RIMS2: variants seen among roughly 807,000 people sequenced by gnomAD.
The protein encoded by RIMS2 is regulating synaptic membrane exocytosis protein 2.
RIMS2 carries 59 observed loss-of-function variants against 174.4 expected under a neutral mutation model. That is an observed-to-expected ratio of 0.34 (90% CI 0.27 to 0.42). The LOEUF is 0.42. RIMS2 is among the 10% of genes least tolerant of loss of function. RIMS2 has a pLI of 1.00. For missense variants in RIMS2, 1,620 were observed against 1,666.3 expected, an observed-to-expected ratio of 0.97 and a Z score of 0.48; for synonymous variants, 606 against 572.5, an observed-to-expected ratio of 1.06 and a Z score of -0.84.
chr8:104,168,557 C>A (rs180837130), intron 19 of RIMS2, among the ~76,000 whole-genome samples: 1 of 151,932 alleles, frequency 6.6e-6, no homozygotes, highest in African/African-American at 2.4e-5. Context: ...GATCTAGGAG[C>A]TTTTTGGATG....
chr8:103,597,264 T>C (rs1192806518), intron 1 of RIMS2, among the ~76,000 whole-genome samples: 1 of 152,188 alleles, frequency 6.6e-6, no homozygotes, highest in Non-Finnish European at 1.5e-5. Context: ...AGTTCTCTGA[T>C]AGCCTGAGAG....
intron 1 of RIMS2, among the ~76,000 whole-genome samples, chr8:103,620,306 T>A (rs1436114284): frequency 6.6e-6 from 1 of 152,160 alleles, no homozygotes; most frequent in Admixed American, 6.5e-5. Flanking sequence ...AAGCTTAAAT[T>A]TTTTTTCTAA....
intron 19 of RIMS2, among the ~76,000 whole-genome samples, chr8:104,129,207 G>A (rs747128305): frequency 1.9e-4 from 28 of 151,274 alleles, no homozygotes; most frequent in Non-Finnish European, 2.9e-4. Flanking sequence ...GCAACATAGC[G>A]AGACCTTGTC....
chr8:103,547,922 A>G (rs1417834825), intron 1 of RIMS2, among the ~76,000 whole-genome samples: 1 of 152,196 alleles, frequency 6.6e-6, no homozygotes, highest in Non-Finnish European at 1.5e-5. Context: ...AGAAATGGCT[A>G]GATTTCTGGA....
chr8:104,124,069 G>A (rs1374496477), intron 19 of RIMS2, among the ~76,000 whole-genome samples: 1 of 152,076 alleles, frequency 6.6e-6, no homozygotes, highest in Non-Finnish European at 1.5e-5. Flanking sequence ...TTTAAAAGCA[G>A]CCAGTGCAAA....
chr8:103,790,390 C>T (rs938866523), intron 3 of RIMS2, among the ~76,000 whole-genome samples: 12 of 152,128 alleles, frequency 7.9e-5, no homozygotes, highest in African/African-American at 2.9e-4. Context: ...TTTCAGTTAG[C>T]ATAATGTTTT....
chr8:103,853,682 C>G (rs1039573073), intron 3 of RIMS2, among the ~76,000 whole-genome samples: 10 of 152,098 alleles, frequency 6.6e-5, no homozygotes, highest in Non-Finnish European at 2.9e-5. Context: ...TGACAAAGAA[C>G]AGATGGTTGT....
chr8:103,904,153 AG>A (rs2073858503), intron 4 of RIMS2, among the ~76,000 whole-genome samples: 1 of 152,116 alleles, frequency 6.6e-6, no homozygotes, highest in African/African-American at 2.4e-5. Context: ...CTTTATGTCT[AG>A]ATTTTTATCA....
intron 2 of RIMS2, among the ~76,000 whole-genome samples, chr8:103,733,662 T>C (rs1211353251): frequency 1.3e-5 from 2 of 152,172 alleles, no homozygotes; most frequent in Non-Finnish European, 2.9e-5. Flanking sequence ...GGTAGCTGAG[T>C]GCTGGCTGGT....
chr8:103,855,737 A>AT (rs1261001994), intron 3 of RIMS2, among the ~76,000 whole-genome samples: 4 of 151,864 alleles, frequency 2.6e-5, no homozygotes, highest in Non-Finnish European at 4.4e-5. Context: ...GTGGTATGTT[A>AT]TTTTTTTGAA....
At chr8:103,833,776 A>G (rs1029584278) in intron 3 of RIMS2, among the ~76,000 whole-genome samples, 1 of 152,022 alleles carries the variant, frequency 6.6e-6, no homozygotes, top group East Asian at 1.9e-4. Context: ...ATTTCCTCAA[A>G]CATAGTTGTT....
intron 1 of RIMS2, among the ~76,000 whole-genome samples, chr8:103,536,553 T>A (rs566793413): frequency 9.2e-5 from 14 of 152,170 alleles, no homozygotes; most frequent in Non-Finnish European, 1.9e-4. Context: ...GATGCTGACG[T>A]CTGCTCGGTT....
At chr8:104,047,370 A>C (rs2096712838) in intron 19 of RIMS2, among the ~76,000 whole-genome samples, 1 of 152,104 alleles carries the variant, frequency 6.6e-6, no homozygotes, top group Non-Finnish European at 1.5e-5. Flanking sequence ...CTGTTAGGGA[A>C]AATATTTGTT....
At chr8:103,820,418 G>A (rs970707331) in intron 3 of RIMS2, among the ~76,000 whole-genome samples, 1 of 151,930 alleles carries the variant, frequency 6.6e-6, no homozygotes, top group Non-Finnish European at 1.5e-5. Context: ...GACTGAGAAA[G>A]AAATTCTGTG....
At position 104,060,080 on chromosome 8, in the gene RIMS2, C is replaced by T. The variant is rs1402632607; in HGVS notation, c.3334+45465C>T. On this transcript the variant is annotated intron_variant, in intron 19 of 23. Coordinates refer to ENST00000504942, the Ensembl canonical transcript of RIMS2. The stretch of plus-strand genomic sequence containing the variant: ...GCTTTGGTATCAGGATGATGCCAGC[C>T]TCATAAAATGAGTTAGGGAGGATTC... Among the ~76,000 whole-genome samples the T allele has an allele frequency of 4.6e-5, 7 of 151,768 alleles. No individual in the cohort carries two copies. In the East Asian group the frequency reaches 1.3e-3, roughly 29 times the overall value.
chr8:103,573,321 C>T (rs2092975825), intron 1 of RIMS2, among the ~76,000 whole-genome samples: 1 of 152,080 alleles, frequency 6.6e-6, no homozygotes, highest in South Asian at 2.1e-4. Context: ...GTATCAGCCT[C>T]CAAAAGTGTT....
At chr8:103,892,411 G>A (rs1008576128) in intron 4 of RIMS2, among the ~76,000 whole-genome samples, 14 of 151,108 alleles carry the variant, frequency 9.3e-5, no homozygotes, top group African/African-American at 3.4e-4. Flanking sequence ...ACTATGTTGC[G>A]CAGGCTGGTC....
At chr8:103,534,187 G>A (rs1349313376) in intron 1 of RIMS2, among the ~76,000 whole-genome samples, 1 of 152,078 alleles carries the variant, frequency 6.6e-6, no homozygotes, top group African/African-American at 2.4e-5. Context: ...TTCTACCATG[G>A]AACTTAAAGT....
At chr8:103,768,467 A>T in intron 3 of RIMS2, 1 of 798,752 alleles carries the variant, frequency 1.3e-6, no homozygotes, top group Non-Finnish European at 2.3e-6. Context: ...ATGGTTCCCC[A>T]TGAAGAGGGG....
Sources: allele counts gnomAD v4.1 joint callset (sites outside exome capture counted in the v4.1 genomes callset), GRCh38; gene constraint gnomAD v4.1.1; transcripts MANE v1.5; gene names NCBI Gene and HGNC (gene_info 2026-07-23, HGNC 2026-07-21).